The following VWA8 variants were observed in gnomAD, a reference collection of about 807,000 sequenced individuals.
The protein encoded by VWA8 is von Willebrand factor A domain containing 8.
In VWA8, 221 loss-of-function variants were observed where a neutral mutation model predicts 241.5. The observed-to-expected ratio is 0.91, with a 90% CI of 0.82 to 1.02. The LOEUF (loss-of-function observed/expected upper bound fraction) is 1.02. VWA8 is among the 50% of genes least tolerant of loss of function. The pLI is 0.00. For synonymous variants in VWA8, 852 were observed against 827.1 expected, an observed-to-expected ratio of 1.03 and a Z score of -0.52; for missense variants, 2,322 against 2,328.7, an observed-to-expected ratio of 1.00 and a Z score of 0.06.
At chr13:41,881,602 G>C (rs1243707321) in intron 9 of VWA8, among the ~76,000 whole-genome samples, 1 of 150,606 alleles carries the variant, frequency 6.6e-6, no homozygotes, top group African/African-American at 2.4e-5. Context: ...CGGGGTGGTG[G>C]CCAGGCAGAG....
At chr13:41,792,744 T>C (rs1869515464) in intron 17 of VWA8, among the ~76,000 whole-genome samples, 2 of 152,078 alleles carry the variant, frequency 1.3e-5, no homozygotes, top group African/African-American at 4.8e-5. Flanking sequence ...TTTATAACTT[T>C]GAATAAAGAT....
At chr13:41,944,019 C>A (rs1012469806) in intron 2 of VWA8, among the ~76,000 whole-genome samples, 1 of 151,714 alleles carries the variant, frequency 6.6e-6, no homozygotes, top group South Asian at 2.1e-4. Flanking sequence ...GTAGGAGAAT[C>A]GCTTGAACCT....
At chr13:41,935,701 A>C (rs1320176762) in intron 2 of VWA8, among the ~76,000 whole-genome samples, 1 of 151,792 alleles carries the variant, frequency 6.6e-6, no homozygotes, top group East Asian at 1.9e-4. Flanking sequence ...CTCCTCCCAC[A>C]CTTCTCTCTA....
chr13:41,830,200 G>A (rs923729115), intron 14 of VWA8, among the ~76,000 whole-genome samples: 5 of 146,456 alleles, frequency 3.4e-5, no homozygotes, highest in Non-Finnish European at 7.4e-5. Context: ...CCGAGATTGC[G>A]CCACCGCACT....
intron 42 of VWA8, among the ~76,000 whole-genome samples, chr13:41,576,297 G>A (rs923775559): frequency 6.6e-6 from 1 of 152,232 alleles, no homozygotes; most frequent in Non-Finnish European, 1.5e-5. Context: ...CACAAATGCT[G>A]TAAGAGAGTT....
At chr13:41,579,738 T>C (rs1354593938) in intron 42 of VWA8, among the ~76,000 whole-genome samples, 1 of 152,264 alleles carries the variant, frequency 6.6e-6, no homozygotes, top group East Asian at 1.9e-4. Context: ...TGGGGTGTTA[T>C]CCTTATGTCA....
chr13:41,788,227 A>G (rs1339901281), intron 17 of VWA8, among the ~76,000 whole-genome samples: 1 of 152,210 alleles, frequency 6.6e-6, no homozygotes, highest in Non-Finnish European at 1.5e-5. Flanking sequence ...CATGGTACCC[A>G]TGGTTTAACT....
intron 9 of VWA8, among the ~76,000 whole-genome samples, chr13:41,880,408 G>A (rs987165197): frequency 6.6e-6 from 1 of 151,992 alleles, no homozygotes; most frequent in Non-Finnish European, 1.5e-5. Context: ...AACAAGAACT[G>A]TGGCCAGTAT....
chr13:41,949,562 C>T (rs1199464857), intron 2 of VWA8, among the ~76,000 whole-genome samples: 4 of 151,368 alleles, frequency 2.6e-5, no homozygotes, highest in South Asian at 2.1e-4. Flanking sequence ...CACCATGGCA[C>T]GTGTATACCT....
intron 18 of VWA8, among the ~76,000 whole-genome samples, chr13:41,784,745 T>TATATATATATATACACACAC (rs1869101107): frequency 7.8e-5 from 8 of 102,262 alleles, no homozygotes; most frequent in South Asian, 3.6e-4. Flanking sequence ...CACATATATA[T>TATATATATATATACACACAC]ATATATATAT....
chr13:41,579,467 CA>C lies in VWA8; in HGVS notation c.5272-3630del, dbSNP rs535715409. On this transcript the variant is annotated intron_variant, in intron 42 of 44. Coordinates refer to ENST00000379310, the MANE Select transcript of VWA8 (RefSeq NM_015058.2). ...CAAGGATTCTAGGCTCTGACGTTAA[CA>C]AGCTTTTTGACTTAGAGAAAAATCA... 1.1e-3 allele frequency among the ~76,000 whole-genome samples: 167 copies of C among 152,328 alleles called. 1 individual carries two copies. The highest frequency in any genetic ancestry group is 3.9e-3 in the African/African-American group (161 of 41,566).
chr13:41,701,186 C>T (rs2045246907), intron 28 of VWA8, among the ~76,000 whole-genome samples: 1 of 152,126 alleles, frequency 6.6e-6, no homozygotes, highest in East Asian at 1.9e-4. Flanking sequence ...TGCATACAAA[C>T]TCAGGAGTGC....
At chr13:41,915,705 G>GAGT (rs1188963354) in intron 2 of VWA8, among the ~76,000 whole-genome samples, 1 of 152,150 alleles carries the variant, frequency 6.6e-6, no homozygotes, top group Non-Finnish European at 1.5e-5. Context: ...TCTACCTTTA[G>GAGT]AGTAAGTCTG....
At chr13:41,885,870 A>C in intron 8 of VWA8, 50 bp downstream of exon 8, 1 of 1,371,204 alleles carries the variant, frequency 7.3e-7, no homozygotes, top group South Asian at 1.3e-5. Flanking sequence ...ATTAACTTTC[A>C]AAATTTTTAA....
At position 41,866,010 on chromosome 13, in the gene VWA8, A is replaced by G; in HGVS notation, c.1239T>C (p.Ser413=). The G allele has an allele frequency of 6.2e-7, 1 of 1,614,196 alleles. No individual in the cohort carries two copies. The highest frequency in any genetic ancestry group is 8.5e-7 in the Non-Finnish European group (1 of 1,180,018). Residue 413 remains serine, a synonymous_variant, in exon 11 of 45, where the codon AGT becomes AGC. Transcript: ENST00000379310. ...IKVPAGTRLL[S]QPCASDRFIQ... ...TGAAACGGTCTGACGCACAAGGTTG[A>G]CTTAATAGCCTGGTCCCGGCTGGCA... is the stretch of plus-strand genomic sequence containing the variant.
Position 41,888,038 on chromosome 13 carries a change from A to G in VWA8, c.652-677T>C, listed in dbSNP as rs546289996. Among the ~76,000 whole-genome samples, 57 of 152,288 alleles carry G rather than the reference A, an allele frequency of 3.7e-4. 1 individual carries two copies. In the South Asian group the frequency reaches 6.4e-3, roughly 17 times the overall value. On this transcript the variant is annotated intron_variant, in intron 5 of 44. Coordinates refer to ENST00000379310, the MANE Select transcript of VWA8 (RefSeq NM_015058.2). Reference sequence around the variant, plus strand: ...ATCCTGGCTCAACTGCTTGATGTACACTTTTACTAAATGTTAGCGTATGCA... The same window carrying G: ...ATCCTGGCTCAACTGCTTGATGTACGCTTTTACTAAATGTTAGCGTATGCA...
At chr13:41,948,272 T>C (rs1877957593) in intron 2 of VWA8, among the ~76,000 whole-genome samples, 1 of 152,304 alleles carries the variant, frequency 6.6e-6, no homozygotes, top group South Asian at 2.1e-4. Flanking sequence ...AATGGCTACA[T>C]ATCCCATGTA....
intron 37 of VWA8, among the ~76,000 whole-genome samples, chr13:41,657,023 A>G (rs1239441293): frequency 6.6e-6 from 1 of 152,052 alleles, no homozygotes; most frequent in African/African-American, 2.4e-5. Flanking sequence ...TGACCAATCA[A>G]AGTATGCCAT....
chr13:41,840,490 G>T (rs1400085549), intron 12 of VWA8, among the ~76,000 whole-genome samples: 1 of 152,140 alleles, frequency 6.6e-6, no homozygotes, highest in East Asian at 1.9e-4. Context: ...ACAGGTGGTA[G>T]CTCATGCTTG....
Sources: gnomAD v4.1 joint callset for allele counts (sites outside exome capture counted in the v4.1 genomes callset) on GRCh38, gnomAD v4.1.1 for gene constraint, MANE v1.5 for transcripts, NCBI Gene and HGNC (gene_info 2026-07-23, HGNC 2026-07-21) for gene names.